The following SPECC1 variants were observed in gnomAD, a reference collection of about 807,000 sequenced individuals.
SPECC1 encodes sperm antigen with calponin homology and coiled-coil domains 1, also known as cytospin-B.
Under a neutral mutation model 104.1 loss-of-function variants are expected in SPECC1, and 62 were observed. That is an observed-to-expected ratio of 0.60 (90% CI 0.49 to 0.74). The LOEUF (loss-of-function observed/expected upper bound fraction) is 0.74. Among genes scored for constraint, SPECC1 ranks in the 30% least tolerant of loss-of-function variants. SPECC1 has a pLI of 0.00. For synonymous variants in SPECC1, 513 were observed against 501.6 expected, an observed-to-expected ratio of 1.02 and a Z score of -0.30; for missense variants, 1,306 against 1,310.5, an observed-to-expected ratio of 1.00 and a Z score of 0.05.
chr17:20,300,363 A>G (rs2041528228), intron 13 of SPECC1, among the ~76,000 whole-genome samples: 1 of 152,180 alleles, frequency 6.6e-6, no homozygotes, highest in Admixed American at 6.5e-5. Context: ...TTGATGTCTT[A>G]GTGTCTGCTT....
At chr17:20,304,778 G>A (rs1267284858) in intron 13 of SPECC1, among the ~76,000 whole-genome samples, 1 of 152,098 alleles carries the variant, frequency 6.6e-6, no homozygotes, top group African/African-American at 2.4e-5. Context: ...GCTCGAGGCT[G>A]TGATAAAGGA....
At chr17:20,270,315 G>A (rs975208977) in intron 12 of SPECC1, among the ~76,000 whole-genome samples, 2 of 151,084 alleles carry the variant, frequency 1.3e-5, no homozygotes, top group African/African-American at 4.9e-5. Context: ...ACAGTGTTAT[G>A]AACAGACACG....
At chr17:20,118,524 T>G (rs796475155) in intron 3 of SPECC1, among the ~76,000 whole-genome samples, 39 of 152,312 alleles carry the variant, frequency 2.6e-4, no homozygotes, top group African/African-American at 8.9e-4. Context: ...TAGGGAAAGA[T>G]TTCCAATATA....
chr17:20,060,943 CTG>C (rs2046163452), intron 1 of SPECC1, among the ~76,000 whole-genome samples: 1 of 152,176 alleles, frequency 6.6e-6, no homozygotes, highest in South Asian at 2.1e-4. Flanking sequence ...AGATTAACTA[CTG>C]TGTTAGTAGT....
At chr17:20,190,582 C>A (rs1254822748) in intron 3 of SPECC1, among the ~76,000 whole-genome samples, 1 of 152,202 alleles carries the variant, frequency 6.6e-6, no homozygotes, top group Non-Finnish European at 1.5e-5. Flanking sequence ...ACACACTCAG[C>A]CTCCTCATTA....
intron 1 of SPECC1, among the ~76,000 whole-genome samples, chr17:20,073,992 C>G (rs920837758): frequency 6.6e-6 from 1 of 152,158 alleles, no homozygotes; most frequent in African/African-American, 2.4e-5. Context: ...ATGCCAACTT[C>G]AAGTTAATAT....
At chr17:20,250,143 G>T (rs959924527) in intron 9 of SPECC1, among the ~76,000 whole-genome samples, 9 of 152,190 alleles carry the variant, frequency 5.9e-5, no homozygotes, top group Non-Finnish European at 1.2e-4. Context: ...CAATGCAGTG[G>T]CATCTGCAAA....
chr17:20,039,921 T>G (rs912397504), intron 1 of SPECC1, among the ~76,000 whole-genome samples: 4 of 152,196 alleles, frequency 2.6e-5, no homozygotes, highest in African/African-American at 9.7e-5. Context: ...TTAATTGATA[T>G]AATTAGATCA....
At chr17:20,085,262 A>T (rs1007164729) in intron 1 of SPECC1, among the ~76,000 whole-genome samples, 4 of 152,160 alleles carry the variant, frequency 2.6e-5, no homozygotes, top group Admixed American at 2.6e-4. Flanking sequence ...GCTTCATGGC[A>T]TGGCTCAGGC....
chr17:20,297,631 A>G (rs1360415076), intron 13 of SPECC1, among the ~76,000 whole-genome samples: 2 of 152,194 alleles, frequency 1.3e-5, no homozygotes, highest in Non-Finnish European at 2.9e-5. Context: ...CAACTCTACC[A>G]TCGGGCTAAA....
chr17:20,014,635 A>G (rs907610292), intron 1 of SPECC1, among the ~76,000 whole-genome samples: 3 of 152,226 alleles, frequency 2.0e-5, no homozygotes, highest in East Asian at 1.9e-4. Flanking sequence ...ATCTGCTGGT[A>G]TCTAGGAAGA....
intron 3 of SPECC1, among the ~76,000 whole-genome samples, chr17:20,193,529 A>T (rs1281152281): frequency 6.6e-6 from 1 of 151,626 alleles, no homozygotes; most frequent in East Asian, 2.1e-4. Context: ...TTCCTGCCTG[A>T]CTATTAGGGT....
chr17:20,172,475 C>G (rs1220272162), intron 3 of SPECC1, among the ~76,000 whole-genome samples: 3 of 152,214 alleles, frequency 2.0e-5, no homozygotes, highest in Non-Finnish European at 4.4e-5. Flanking sequence ...CCCTTTCTCT[C>G]TCAGGGGGCA....
chr17:20,251,224 C>CAAAAAAAAAAAAAAAAAAAACAA (rs58071050), intron 9 of SPECC1, among the ~76,000 whole-genome samples: 1 of 51,044 alleles, frequency 2.0e-5, no homozygotes, highest in Non-Finnish European at 3.4e-5. Context: ...GACTCTATCT[C>CAAAAAAAAAAAAAAAAAAAACAA]AAAAAAAAAA....
At chr17:20,219,526 AT>A (rs560908578) in intron 4 of SPECC1, among the ~76,000 whole-genome samples, 304 of 152,050 alleles carry the variant, frequency 2.0e-3, no homozygotes, top group African/African-American at 7.0e-3. Context: ...AGACTACTAG[AT>A]TTTTTTCCCC....
At chr17:20,017,774 C>G (rs1317693958) in intron 1 of SPECC1, among the ~76,000 whole-genome samples, 1 of 152,176 alleles carries the variant, frequency 6.6e-6, no homozygotes, top group African/African-American at 2.4e-5. Context: ...TCACAAAGAT[C>G]GTCACATACC....
intron 3 of SPECC1, among the ~76,000 whole-genome samples, chr17:20,163,210 T>C (rs770409344): frequency 3.9e-5 from 6 of 152,232 alleles, no homozygotes; most frequent in Non-Finnish European, 7.3e-5. Context: ...AGCTTGTTTA[T>C]ACGTTACTTT....
In SPECC1 at chr17:20,074,704, T is replaced by C. The variant is rs115670271; in HGVS notation, c.-21-21927T>C. On this transcript the variant is annotated intron_variant, in intron 1 of 14. Transcript: ENST00000395527. ...GACTCTGTGTCTCTGTGGTTCTGTTTTAGAGTAGCCGTGTTTCACTTCCTT... is the reference window on the plus strand; with the variant it reads ...GACTCTGTGTCTCTGTGGTTCTGTTCTAGAGTAGCCGTGTTTCACTTCCTT... 4.3e-3 allele frequency among the ~76,000 whole-genome samples: 662 copies of C among 152,242 alleles called. 4 individuals carry two copies. The highest frequency in any genetic ancestry group is 0.014 in the African/African-American group (596 of 41,532).
At chr17:20,089,025 A>G (rs1181821147) in intron 1 of SPECC1, among the ~76,000 whole-genome samples, 1 of 152,214 alleles carries the variant, frequency 6.6e-6, no homozygotes, top group East Asian at 1.9e-4. Flanking sequence ...CCAAAACTGT[A>G]AGCAATGAGT....
Sources: allele counts gnomAD v4.1 joint callset (sites outside exome capture counted in the v4.1 genomes callset), GRCh38; gene constraint gnomAD v4.1.1; transcripts MANE v1.5; gene names NCBI Gene and HGNC (gene_info 2026-07-23, HGNC 2026-07-21).